The following RAB2A variants were observed in gnomAD, a reference collection of about 807,000 sequenced individuals.
The protein encoded by RAB2A is ras-related protein Rab-2A.
A neutral mutation model predicts 32.5 loss-of-function variants in RAB2A; 7 were observed. That is an observed-to-expected ratio of 0.22 (90% CI 0.12 to 0.40). The LOEUF (loss-of-function observed/expected upper bound fraction) is 0.40, where lower values mean the gene tolerates loss of function less well. Ranked by LOEUF, RAB2A falls within the 10% of genes least tolerant of loss-of-function variation. The pLI is 1.00. For synonymous variants in RAB2A, 79 were observed against 85.2 expected (o/e 0.93, Z 0.40); for missense variants, 108 against 260.7 (o/e 0.41, Z 4.03).
At chr8:60,582,956 C>T (rs1219753596) in intron 3 of RAB2A, among the ~76,000 whole-genome samples, 1 of 151,704 alleles carries the variant, frequency 6.6e-6, no homozygotes, top group East Asian at 1.9e-4. Flanking sequence ...CCTATTTTTC[C>T]ACTTTTTCAC....
In RAB2A at chr8:60,537,620, C is replaced by G. The variant is rs1807577884; in HGVS notation, c.46+20367C>G. ...GTCTAAAAAACATCACACCAGAGGA[C>G]CTCTCTAGTTCCAACAAAACCGACA... is the stretch of plus-strand genomic sequence containing the variant. On this transcript the variant is annotated intron_variant, in intron 1 of 7. Transcript: ENST00000262646. 3.3e-5 allele frequency among the ~76,000 whole-genome samples: 5 copies of G among 152,140 alleles called. No individual in the cohort carries two copies. The South Asian group carries it at 1.0e-3, about 32-fold the overall frequency.
intron 1 of RAB2A, among the ~76,000 whole-genome samples, chr8:60,538,955 G>A (rs1442417681): frequency 6.6e-6 from 1 of 152,200 alleles, no homozygotes; most frequent in African/African-American, 2.4e-5. Flanking sequence ...ATTTAATGCA[G>A]TCATATTTTC....
intron 1 of RAB2A, among the ~76,000 whole-genome samples, chr8:60,557,005 A>G (rs940811867): frequency 6.6e-6 from 1 of 152,168 alleles, no homozygotes; most frequent in Non-Finnish European, 1.5e-5. Flanking sequence ...TTGGACATAG[A>G]GCAAATTCCT....
intron 1 of RAB2A, among the ~76,000 whole-genome samples, chr8:60,525,139 C>G (rs932716167): frequency 6.6e-6 from 1 of 152,022 alleles, no homozygotes; most frequent in African/African-American, 2.4e-5. Context: ...GTGTCCCACT[C>G]GAATCTCATC....
intron 5 of RAB2A, among the ~76,000 whole-genome samples, chr8:60,587,521 C>G (rs533573364): frequency 1.3e-5 from 2 of 152,058 alleles, no homozygotes; most frequent in African/African-American, 4.8e-5. Flanking sequence ...TGTTCTTTAA[C>G]TGAATTTAAA....
intron 1 of RAB2A, among the ~76,000 whole-genome samples, chr8:60,554,665 C>G (rs1807906996): frequency 6.6e-6 from 1 of 152,004 alleles, no homozygotes; most frequent in East Asian, 1.9e-4. Context: ...ACCAGCCTGG[C>G]AACATGGTGA....
At position 60,590,588 on chromosome 8, in the gene RAB2A, A is replaced by T. The variant is rs894549511; in HGVS notation, c.363-1270A>T. ...ACATATATTTTAATATATGTATTTTATATATATATAATACATATATATATA... is the reference window on the plus strand; with the variant it reads ...ACATATATTTTAATATATGTATTTTTTATATATATAATACATATATATATA... On this transcript the variant is annotated intron_variant, in intron 5 of 7. Transcript: ENST00000262646. 3.1e-5 allele frequency among the ~76,000 whole-genome samples: 4 copies of T among 129,820 alleles called. No homozygotes were observed. In the East Asian group the frequency reaches 5.9e-4, roughly 19 times the overall value. The allele number at this position is 129,820 out of a possible 152,430, so 85.2% of individuals were successfully genotyped here.
intron 6 of RAB2A, among the ~76,000 whole-genome samples, chr8:60,608,843 A>T (rs1223843230): frequency 1.3e-5 from 2 of 152,046 alleles, no homozygotes; most frequent in Non-Finnish European, 2.9e-5. Flanking sequence ...CCTCTATTCT[A>T]TAGTGTTCTT....
intron 3 of RAB2A, among the ~76,000 whole-genome samples, chr8:60,572,950 A>G (rs1431397398): frequency 1.3e-5 from 2 of 152,202 alleles, no homozygotes; most frequent in East Asian, 1.9e-4. Context: ...ACAAACAACT[A>G]CATTTTTCTA....
rs1263391778 is a variant in RAB2A, at chr8:60,595,621, GA to G, written c.474+3659del. Among the ~76,000 whole-genome samples the G allele has an allele frequency of 8.0e-4, 121 of 152,082 alleles. 2 individuals carry two copies. The highest frequency in any genetic ancestry group is 7.7e-3 in the Admixed American group (118 of 15,278). Reference sequence around the variant, plus strand: ...TTAATATCACATAAACTTAAGGGCAGAAAAAAATTATCAGAGTGGGACATTA... The same window carrying G: ...TTAATATCACATAAACTTAAGGGCAGAAAAAATTATCAGAGTGGGACATTA... On this transcript the variant is annotated intron_variant, in intron 6 of 7. Transcript: ENST00000262646.
intron 2 of RAB2A, among the ~76,000 whole-genome samples, chr8:60,559,579 T>A (rs1563469890): frequency 2.0e-5 from 3 of 152,086 alleles, no homozygotes; most frequent in Non-Finnish European, 4.4e-5. Flanking sequence ...AAGGAAAAAA[T>A]TAAGATGAGT....
At chr8:60,614,494 T>C (rs1804415910) in intron 6 of RAB2A, among the ~76,000 whole-genome samples, 1 of 152,110 alleles carries the variant, frequency 6.6e-6, no homozygotes, top group Admixed American at 6.6e-5. Context: ...TCAAGCAGTC[T>C]TCCTGCCTAC....
chr8:60,523,368 A>G (rs1807330469), intron 1 of RAB2A, among the ~76,000 whole-genome samples: 1 of 151,146 alleles, frequency 6.6e-6, no homozygotes, highest in African/African-American at 2.4e-5. Flanking sequence ...TGTGTTAGCC[A>G]GGATTGTCTT....
chr8:60,610,345 T>C (rs1469786097), intron 6 of RAB2A, among the ~76,000 whole-genome samples: 1 of 152,226 alleles, frequency 6.6e-6, no homozygotes, highest in Non-Finnish European at 1.5e-5. Context: ...GTCCCCTTGC[T>C]AATACCTGCA....
At chr8:60,544,391 G>A (rs1807695611) in intron 1 of RAB2A, among the ~76,000 whole-genome samples, 1 of 151,860 alleles carries the variant, frequency 6.6e-6, no homozygotes, top group African/African-American at 2.4e-5. Flanking sequence ...GGTCAGGTGA[G>A]TTTAGTTGGA....
chr8:60,547,525 G>A (rs183047612), intron 1 of RAB2A, among the ~76,000 whole-genome samples: 20 of 151,322 alleles, frequency 1.3e-4, no homozygotes, highest in Non-Finnish European at 2.4e-4. Context: ...CGGACGGGGG[G>A]CTGACTCCCC....
intron 6 of RAB2A, among the ~76,000 whole-genome samples, chr8:60,596,806 A>G (rs1318836665): frequency 6.6e-6 from 1 of 152,138 alleles, no homozygotes; most frequent in Non-Finnish European, 1.5e-5. Context: ...CTGTAGTCCC[A>G]GCTACTTGGG....
chr8:60,594,881 T>C (rs994235936), intron 6 of RAB2A, among the ~76,000 whole-genome samples: 6 of 152,190 alleles, frequency 3.9e-5, no homozygotes, highest in Non-Finnish European at 7.4e-5. Context: ...CAGTCTACCA[T>C]TGATGGACAT....
intron 1 of RAB2A, among the ~76,000 whole-genome samples, chr8:60,541,804 G>A (rs1807650073): frequency 2.0e-5 from 3 of 152,250 alleles, no homozygotes; most frequent in African/African-American, 7.2e-5. Context: ...ACTTCATCTA[G>A]TGGTTGAAAC....
Sources: allele counts gnomAD v4.1 joint callset (sites outside exome capture counted in the v4.1 genomes callset), GRCh38; gene constraint gnomAD v4.1.1; transcripts MANE v1.5; gene names NCBI Gene and HGNC (gene_info 2026-07-23, HGNC 2026-07-21).